The following ZNF853 variants were observed in gnomAD, a reference collection of about 807,000 sequenced individuals.
ZNF853 encodes zinc finger protein 853.
ZNF853 carries 57 observed loss-of-function variants against 94.7 expected under a neutral mutation model. The ratio of observed to expected loss-of-function variants is 0.60; its 90% CI spans 0.49 to 0.75. The LOEUF (loss-of-function observed/expected upper bound fraction) is 0.75, where lower values mean the gene tolerates loss of function less well. ZNF853 is among the 30% of genes least tolerant of loss of function. The pLI is 0.00. For missense variants in ZNF853, 785 were observed against 868.9 expected (o/e 0.90, Z 1.21); for synonymous variants, 448 against 406.3 (o/e 1.10, Z -1.23).
chr7:6,620,982 C>T, intron 2 of ZNF853, 140 bp from the exon 3 acceptor site: 2 of 1,099,504 alleles, frequency 1.8e-6, no homozygotes, highest in Non-Finnish European at 2.4e-6. Flanking sequence ...GCTATTGTTA[C>T]TCGATCCAGC....
intron 2 of ZNF853, among the ~76,000 whole-genome samples, chr7:6,619,596 A>G: frequency 6.6e-6 from 1 of 152,090 alleles, no homozygotes; most frequent in Non-Finnish European, 1.5e-5. Context: ...AAATCAATAT[A>G]TTCTTGGAAA....
rs1782602188 is a variant in ZNF853, at chr7:6,621,444, G to A, written c.453G>A (p.Gln151=). The change falls in exon 3 of 3, where the codon CAG becomes CAA. Residue 151 remains glutamine (Q), a synonymous_variant. Coordinates refer to ENST00000457543, the MANE Select transcript of ZNF853 (RefSeq NM_017560.3). ...ATCAGGAACTGAAACCAGAACTGCAGCTAATGCACCAGCAGCAACAGTTAC... is the reference window on the plus strand; with the variant it reads ...ATCAGGAACTGAAACCAGAACTGCAACTAATGCACCAGCAGCAACAGTTAC... The part of the protein sequence containing the change: ...VHHQELKPEL[Q]LMHQQQQLQP... 1.3e-6 allele frequency: 2 copies of A among 1,551,756 alleles called. No individual in the cohort carries two copies. The highest frequency in any genetic ancestry group is 2.4e-5 in the East Asian group (1 of 40,928).
chr7:6,619,034 T>A, intron 2 of ZNF853, among the ~76,000 whole-genome samples: 1 of 2,562 alleles, frequency 3.9e-4, no homozygotes, highest in Non-Finnish European at 1.1e-3. Flanking sequence ...CTTGGTGGAT[T>A]TTTTTTTTTT....
In ZNF853 at chr7:6,623,012, A is replaced by C. The variant is rs1782670556; in HGVS notation, c.*41A>C. ...CTGCCTGGCCGGGAGGGGACCCCCC[A>C]CCCGCCTCCACCTGAAAAGCTCCTT... On this transcript the variant is annotated 3_prime_UTR_variant, in exon 3 of 3. Transcript: ENST00000457543. The C allele has an allele frequency of 3.2e-6, 4 of 1,236,616 alleles. No homozygotes were observed. In the Admixed American group the frequency reaches 1.3e-4, roughly 39 times the overall value. The allele number at this position is 1,236,616 out of a possible 1,614,324, so 76.6% of individuals were successfully genotyped here. A position where few individuals can be genotyped will look rare whatever the true frequency, so the allele number is the denominator to read the frequency against.
Position 6,617,162 on chromosome 7 carries a change from C to G in ZNF853, c.13-28C>G. 2.4e-4 allele frequency: 361 copies of G among 1,527,294 alleles called. 1 individual carries two copies. The highest frequency in any genetic ancestry group is 3.1e-4 in the Non-Finnish European group (348 of 1,135,264). The allele number at this position is 1,527,294 out of a possible 1,614,324, so 94.6% of individuals were successfully genotyped here. ...CGGGGGTCAAAGCACTCCAGCCTGG[C>G]TAAACTGCTTCCTTCCTTTCAGCAC... is the stretch of plus-strand genomic sequence containing the variant. On this transcript the variant is annotated intron_variant, in intron 1 of 2. Transcript: ENST00000457543.
chr7:6,616,191 G>C lies in ZNF853; in HGVS notation c.12+5G>C. 2 of 1,548,090 alleles carry C rather than the reference G, an allele frequency of 1.3e-6. No individual in the cohort carries two copies. The highest frequency in any genetic ancestry group is 2.7e-5 in the African/African-American group (2 of 73,106). On this transcript the variant is annotated splice_donor_5th_base_variant and intron_variant, in intron 1 of 2. Transcript: ENST00000457543. ...GAGCAGGAAATGCTCCACCAGGTGA[G>C]GCCCAGGGGGTCGTTGGCGCTGGGC...
At position 6,617,279 on chromosome 7, in the gene ZNF853, T is replaced by C; in HGVS notation, c.102T>C (p.Asp34=). 3.3e-6 allele frequency: 5 copies of C among 1,508,938 alleles called. No individual in the cohort carries two copies. Among genetic ancestry groups the C allele is most frequent in the Admixed American group, 2.2e-5 (1 of 46,494 alleles). 93.5% of individuals were successfully genotyped at this position (1,508,938 alleles called of 1,614,324 possible). The change falls in exon 2 of 3, where the codon GAT becomes GAC. Residue 34 remains aspartate, a synonymous_variant. Coordinates refer to ENST00000457543, the MANE Select transcript of ZNF853 (RefSeq NM_017560.3). ...TFVLELQCLE[D]GGPGPDTLSG... is the part of the protein sequence containing the mutation. Reference sequence around the variant, plus strand: ...TGCTGGAACTTCAATGTCTTGAGGATGGGGGCCCAGGGCCTGACACCCTCT... The same window carrying C: ...TGCTGGAACTTCAATGTCTTGAGGACGGGGGCCCAGGGCCTGACACCCTCT...
chr7:6,620,331 C>T, intron 2 of ZNF853, among the ~76,000 whole-genome samples: 52 of 152,264 alleles, frequency 3.4e-4, no homozygotes, highest in African/African-American at 1.3e-3. Flanking sequence ...GCTGTAAGGT[C>T]GGAGTTCAGC....
In ZNF853 at chr7:6,623,373, G is replaced by A. The variant is rs895979492; in HGVS notation, c.*402G>A. On this transcript the variant is annotated 3_prime_UTR_variant, in exon 3 of 3. Coordinates refer to ENST00000457543, the MANE Select transcript of ZNF853 (RefSeq NM_017560.3). ...GGAATCAAGACGTGGTGAGACACAC[G>A]TGGAAAATCTTCGATCCTGGTGAAA... The A allele has an allele frequency of 7.5e-6, 3 of 398,528 alleles. No homozygotes were observed. The highest frequency in any genetic ancestry group is 2.1e-5 in the African/African-American group (1 of 48,632). The allele number at this position is 398,528 out of a possible 1,614,324, so 24.7% of individuals were successfully genotyped here. A position where few individuals can be genotyped will look rare whatever the true frequency, so the allele number is the denominator to read the frequency against.
rs771337075 is a variant in ZNF853, at chr7:6,622,461, C to T, written c.1470C>T (p.Cys490=). The change falls in exon 3 of 3, where the codon TGC becomes TGT. Residue 490 remains cysteine, a synonymous_variant. Transcript: ENST00000457543. ...ACCGGCCGACCATCTGCGGGGAGTG[C>T]GGCAAGGGCTTCAGCCGCAGCACGG... is the stretch of plus-strand genomic sequence containing the variant. The part of the protein sequence containing the change: ...ARDRPTICGE[C]GKGFSRSTDL... The T allele has an allele frequency of 3.0e-5, 46 of 1,521,674 alleles. No individual in the cohort carries two copies. The African/African-American group carries it at 3.7e-4, about 12-fold the overall frequency. 94.3% of individuals were successfully genotyped at this position (1,521,674 alleles called of 1,614,324 possible). A position where few individuals can be genotyped will look rare whatever the true frequency, so the allele number is the denominator to read the frequency against.
rs922792346 is a variant in ZNF853, at chr7:6,616,164, G to C, written c.-11G>C. On this transcript the variant is annotated 5_prime_UTR_variant, in exon 1 of 3. Coordinates refer to ENST00000457543, the MANE Select transcript of ZNF853 (RefSeq NM_017560.3). ...CACCTCCCTAGCGCAGAGGCTGCCC[G>C]GGAGCAGGAAATGCTCCACCAGGTG... The C allele has an allele frequency of 5.0e-5, 77 of 1,547,502 alleles. No homozygotes were observed. Among genetic ancestry groups the C allele is most frequent in the Non-Finnish European group, 6.6e-5 (76 of 1,144,726 alleles).
rs1375338715 is a variant in ZNF853 at position 6,622,826 on chromosome 7, T to C, written c.1835T>C (p.Ile612Thr). Reference protein sequence around the residue: ...CGERFRHKVQIRRHERQLHGA... With the variant: ...CGERFRHKVQTRRHERQLHGA... The stretch of plus-strand genomic sequence containing the variant: ...GAGCGCTTCCGACACAAGGTGCAGA[T>C]CCGCCGCCACGAGCGCCAGCTGCAC... Residue 612 changes from isoleucine to threonine, a missense_variant, in exon 3 of 3, where the codon ATC (isoleucine) becomes ACC (threonine). Coordinates refer to ENST00000457543, the MANE Select transcript of ZNF853 (RefSeq NM_017560.3). 6.6e-7 allele frequency: 1 copy of C among 1,522,798 alleles called. No homozygotes were observed. The highest frequency in any genetic ancestry group is 8.8e-7 in the Non-Finnish European group (1 of 1,139,128). 94.3% of individuals were successfully genotyped at this position (1,522,798 alleles called of 1,614,324 possible).
In ZNF853 at chr7:6,622,915, C is replaced by T; in HGVS notation, c.1924C>T (p.Pro642Ser). 1 of 1,247,046 alleles carries T rather than the reference C, an allele frequency of 8.0e-7. No individual in the cohort carries two copies. Among genetic ancestry groups the T allele is most frequent in the Non-Finnish European group, 1.0e-6 (1 of 997,360 alleles). 77.2% of individuals were successfully genotyped at this position (1,247,046 alleles called of 1,614,324 possible). The change falls in exon 3 of 3, where the codon CCA (proline) becomes TCA (serine). Residue 642 changes from proline (P) to serine (S), a missense_variant. Physicochemically the swap from Pro to Ser is moderately conservative, Grantham distance 74 (BLOSUM62 -1). Coordinates refer to ENST00000457543, the MANE Select transcript of ZNF853 (RefSeq NM_017560.3). Reference protein sequence around the residue: ...RASRPAALGGPARAEQAATAT... With the variant: ...RASRPAALGGSARAEQAATAT... ...CTCGCGGCCGGCGGCCCTCGGTGGC[C>T]CAGCCCGCGCGGAGCAGGCCGCTAC... is the stretch of plus-strand genomic sequence containing the variant.
chr7:6,619,723 C>T, intron 2 of ZNF853, among the ~76,000 whole-genome samples: 1 of 152,146 alleles, frequency 6.6e-6, no homozygotes, highest in Non-Finnish European at 1.5e-5. Context: ...CGGAGAAAGC[C>T]TCCTCAAGTC....
rs1782679040 is a variant in ZNF853 at position 6,623,248 on chromosome 7, A to C, written c.*277A>C. On this transcript the variant is annotated 3_prime_UTR_variant, in exon 3 of 3. Coordinates refer to ENST00000457543, the MANE Select transcript of ZNF853 (RefSeq NM_017560.3). ...TGTCTGCCCTTTGAGGGGTCTGCCAAAGGTTTTCCCTCCGGGAAAACTGGA... is the reference window on the plus strand; with the variant it reads ...TGTCTGCCCTTTGAGGGGTCTGCCACAGGTTTTCCCTCCGGGAAAACTGGA... 5.0e-6 allele frequency: 2 copies of C among 400,362 alleles called. No homozygotes were observed. The highest frequency in any genetic ancestry group is 8.8e-6 in the Non-Finnish European group (2 of 227,844). 24.8% of individuals were successfully genotyped at this position (400,362 alleles called of 1,614,324 possible). A position where few individuals can be genotyped will look rare whatever the true frequency, so the allele number is the denominator to read the frequency against.
Position 6,623,640 on chromosome 7 carries a change from T to G in ZNF853, c.*669T>G. ...CCTGCTCCGGGTGGAAGGTAAAACC[T>G]TCCCTCCAGGGAACCAGGGGCTCCG... On this transcript the variant is annotated 3_prime_UTR_variant, in exon 3 of 3. Coordinates refer to ENST00000457543, the MANE Select transcript of ZNF853 (RefSeq NM_017560.3). The G allele has an allele frequency of 3.6e-5, 10 of 280,676 alleles. No individual in the cohort carries two copies. The highest frequency in any genetic ancestry group is 5.3e-5 in the Non-Finnish European group (8 of 151,572). 17.4% of individuals were successfully genotyped at this position (280,676 alleles called of 1,614,324 possible). A position where few individuals can be genotyped will look rare whatever the true frequency, so the allele number is the denominator to read the frequency against.
intron 2 of ZNF853, 81 bp downstream of exon 2, chr7:6,617,388 C>A: frequency 8.7e-7 from 1 of 1,153,758 alleles, no homozygotes; most frequent in Non-Finnish European, 1.2e-6. Flanking sequence ...GGCGGGCAGC[C>A]TGCACAGACT....
intron 2 of ZNF853, 79 bp downstream of exon 2, chr7:6,617,386 G>C: frequency 8.5e-7 from 1 of 1,181,972 alleles, no homozygotes; most frequent in Non-Finnish European, 1.1e-6. Context: ...GTGGCGGGCA[G>C]CCTGCACAGA....
In ZNF853 at chr7:6,621,969, G is replaced by C. The variant is rs1382644197; in HGVS notation, c.978G>C (p.Pro326=). The C allele has an allele frequency of 1.9e-6, 3 of 1,550,844 alleles. No individual in the cohort carries two copies. The highest frequency in any genetic ancestry group is 2.6e-6 in the Non-Finnish European group (3 of 1,146,996). The change falls in exon 3 of 3, where the codon CCG becomes CCC. Residue 326 remains proline, a synonymous_variant. Transcript: ENST00000457543. ...EEEEVELELM[P]VDLGSEQELE... ...AAGAGGTGGAGCTGGAGCTCATGCC[G>C]GTGGACCTGGGGTCAGAGCAGGAGC...
Sources: gnomAD v4.1 joint callset for allele counts (sites outside exome capture counted in the v4.1 genomes callset) on GRCh38, gnomAD v4.1.1 for gene constraint, MANE v1.5 for transcripts, NCBI Gene and HGNC (gene_info 2026-07-23, HGNC 2026-07-21) for gene names.